The following PTPRM variants were observed in gnomAD, a reference collection of about 807,000 sequenced individuals.
PTPRM encodes receptor-type tyrosine-protein phosphatase mu.
A neutral mutation model predicts 186.7 loss-of-function variants in PTPRM; 47 were observed. The observed-to-expected ratio is 0.25, with a 90% CI of 0.20 to 0.32. PTPRM has a LOEUF of 0.32. Ranked by LOEUF, PTPRM falls within the 10% of genes least tolerant of loss-of-function variation. The probability of loss-of-function intolerance (pLI) is 1.00; values close to 1 mark genes in which losing one functional copy is unlikely to be tolerated. For synonymous variants in PTPRM, 668 were observed against 674.9 expected (o/e 0.99, Z 0.16); for missense variants, 1,494 against 1,865.0 (o/e 0.80, Z 3.66).
intron 14 of PTPRM, among the ~76,000 whole-genome samples, chr18:8,200,276 C>G (rs1442258514): frequency 6.6e-6 from 1 of 152,126 alleles, no homozygotes; most frequent in Non-Finnish European, 1.5e-5. Context: ...CGCTGTGCCC[C>G]CACCGAGACC....
At chr18:8,268,368 G>A (rs978031954) in intron 19 of PTPRM, among the ~76,000 whole-genome samples, 4 of 152,000 alleles carry the variant, frequency 2.6e-5, no homozygotes, top group Non-Finnish European at 4.4e-5. Flanking sequence ...TCCTAGAAAC[G>A]TACAACTTAT....
intron 2 of PTPRM, among the ~76,000 whole-genome samples, chr18:7,790,477 C>T (rs73393597): frequency 0.016 from 2,380 of 152,216 alleles, 42 homozygotes; most frequent in African/African-American, 0.048. Flanking sequence ...GAGAGCCTCT[C>T]CTCTGTGGCT....
chr18:8,240,429 CTG>C (rs1365846288), intron 14 of PTPRM, among the ~76,000 whole-genome samples: 2 of 121,274 alleles, frequency 1.6e-5, no homozygotes, highest in Middle Eastern at 4.8e-3. Flanking sequence ...GAGCAAGACT[CTG>C]TCTCAAAAAT....
At chr18:8,069,400 C>A (rs2089318160) in intron 7 of PTPRM, among the ~76,000 whole-genome samples, 1 of 152,136 alleles carries the variant, frequency 6.6e-6, no homozygotes, top group African/African-American at 2.4e-5. Flanking sequence ...GATGGTGAGC[C>A]CCTGCCTTTT....
At chr18:8,003,785 GC>G (rs1254780692) in intron 7 of PTPRM, among the ~76,000 whole-genome samples, 1 of 152,164 alleles carries the variant, frequency 6.6e-6, no homozygotes, top group African/African-American at 2.4e-5. Flanking sequence ...ACATTTGAGG[GC>G]CTATTACATA....
At chr18:7,872,830 C>T (rs549321357) in intron 2 of PTPRM, among the ~76,000 whole-genome samples, 1 of 152,290 alleles carries the variant, frequency 6.6e-6, no homozygotes, top group Non-Finnish European at 1.5e-5. Context: ...TGTGTAAGCT[C>T]AGAGAATTGG....
chr18:8,289,053 C>T (rs570482946), intron 19 of PTPRM, among the ~76,000 whole-genome samples: 1 of 152,116 alleles, frequency 6.6e-6, no homozygotes, highest in Admixed American at 6.5e-5. Flanking sequence ...AGGTTCTGAG[C>T]CAGTTTTGAG....
chr18:7,997,505 C>T (rs1161588426), intron 7 of PTPRM, among the ~76,000 whole-genome samples: 1 of 151,982 alleles, frequency 6.6e-6, no homozygotes, highest in African/African-American at 2.4e-5. Context: ...ATTGAAAACA[C>T]GTGGGAACCA....
At chr18:8,027,989 G>A (rs769840907) in intron 7 of PTPRM, among the ~76,000 whole-genome samples, 4 of 151,626 alleles carry the variant, frequency 2.6e-5, no homozygotes, top group African/African-American at 7.3e-5. Flanking sequence ...GCACATGGCC[G>A]TTCATTGTTT....
intron 14 of PTPRM, among the ~76,000 whole-genome samples, chr18:8,219,943 A>G (rs2094136047): frequency 5.9e-5 from 9 of 152,180 alleles, no homozygotes; most frequent in Admixed American, 5.9e-4. Flanking sequence ...TTTAACATTA[A>G]TGCTGGTCAA....
intron 14 of PTPRM, among the ~76,000 whole-genome samples, chr18:8,152,080 A>G (rs2093022276): frequency 7.1e-6 from 1 of 141,096 alleles, no homozygotes; most frequent in Admixed American, 7.0e-5. Context: ...TGGGAGCTGC[A>G]GACCGGAGCT....
chr18:7,674,914 C>T (rs2039300578), intron 1 of PTPRM, among the ~76,000 whole-genome samples: 1 of 152,134 alleles, frequency 6.6e-6, no homozygotes, highest in African/African-American at 2.4e-5. Flanking sequence ...ACTTTCAGTC[C>T]CAGTGTTTCA....
chr18:8,042,864 G>A (rs1377149567), intron 7 of PTPRM, among the ~76,000 whole-genome samples: 1 of 152,062 alleles, frequency 6.6e-6, no homozygotes, highest in Non-Finnish European at 1.5e-5. Flanking sequence ...TTCTCATGTT[G>A]CCATTTTCTT....
chr18:8,219,258 G>T (rs1458380039), intron 14 of PTPRM, among the ~76,000 whole-genome samples: 7 of 152,180 alleles, frequency 4.6e-5, no homozygotes, highest in African/African-American at 1.7e-4. Context: ...ATGAGGTCAG[G>T]CGATCGAGAC....
At chr18:8,236,891 T>C (rs963327497) in intron 14 of PTPRM, among the ~76,000 whole-genome samples, 1 of 152,226 alleles carries the variant, frequency 6.6e-6, no homozygotes, top group Non-Finnish European at 1.5e-5. Context: ...ATTGATAACA[T>C]TGGATATCTT....
intron 1 of PTPRM, among the ~76,000 whole-genome samples, chr18:7,675,875 C>T (rs1339341022): frequency 6.6e-6 from 1 of 151,976 alleles, no homozygotes; most frequent in Non-Finnish European, 1.5e-5. Context: ...GCTGAGATAA[C>T]AGGTGCCTGC....
At chr18:7,888,458 C>G in intron 3 of PTPRM, 81 bp downstream of exon 3, 1 of 1,421,486 alleles carries the variant, frequency 7.0e-7, no homozygotes, top group Non-Finnish European at 9.4e-7. Flanking sequence ...TCATTATAAT[C>G]AGAAAAGGTT....
intron 2 of PTPRM, among the ~76,000 whole-genome samples, chr18:7,870,852 T>C (rs2047948346): frequency 6.6e-6 from 1 of 152,194 alleles, no homozygotes; most frequent in Admixed American, 6.6e-5. Context: ...TCTAAAACAC[T>C]TTAGAAAAGA....
intron 31 of PTPRM, among the ~76,000 whole-genome samples, chr18:8,389,647 C>T (rs1233636611): frequency 6.6e-6 from 1 of 152,174 alleles, no homozygotes; most frequent in Non-Finnish European, 1.5e-5. Context: ...GGCATGAGAC[C>T]TAGGCCTGGT....
Sources: allele counts gnomAD v4.1 joint callset (sites outside exome capture counted in the v4.1 genomes callset), GRCh38; gene constraint gnomAD v4.1.1; transcripts MANE v1.5; gene names NCBI Gene and HGNC (gene_info 2026-07-23, HGNC 2026-07-21).